The following ARFGEF3 variants were observed in gnomAD, a reference collection of about 807,000 sequenced individuals.
The protein encoded by ARFGEF3 is ARFGEF family member 3, also known as brefeldin A-inhibited guanine nucleotide-exchange protein 3.
ARFGEF3 carries 96 observed loss-of-function variants against 221.7 expected under a neutral mutation model. The observed-to-expected ratio is 0.43, with a 90% CI of 0.37 to 0.51. The LOEUF (loss-of-function observed/expected upper bound fraction) is 0.51. ARFGEF3 is among the 20% of genes least tolerant of loss of function. The probability of loss-of-function intolerance (pLI) is 0.00; values close to 1 mark genes in which losing one functional copy is unlikely to be tolerated. For missense variants in ARFGEF3, 2,410 were observed against 2,789.9 expected (o/e 0.86, Z 3.07); for synonymous variants, 1,145 against 1,126.8 (o/e 1.02, Z -0.32).
At position 138,262,628 on chromosome 6, in the gene ARFGEF3, A is replaced by G. The variant is rs1778814531; in HGVS notation, c.1218-73A>G. On this transcript the variant is annotated intron_variant, in intron 11 of 33. Coordinates refer to ENST00000251691, the MANE Select transcript of ARFGEF3 (RefSeq NM_020340.5). ...ATACTTTGCTGTTTGCCAGGCTAAC[A>G]CTCTTGTTCCTTTCAGAGATATTTT... 1.2e-5 allele frequency: 17 copies of G among 1,445,330 alleles called. No individual in the cohort carries two copies. In the South Asian group the frequency reaches 2.2e-4, roughly 18 times the overall value. 89.5% of individuals were successfully genotyped at this position (1,445,330 alleles called of 1,614,324 possible).
At position 138,265,543 on chromosome 6, in the gene ARFGEF3, AG is replaced by A. The variant is rs1263484186; in HGVS notation, c.2128+1933del. Among the ~76,000 whole-genome samples the A allele has an allele frequency of 6.6e-5, 10 of 152,030 alleles. 1 individual carries two copies. ...TCCTAAAAAATTATTTTTCTCCCTA[AG>A]ATCTTTTATATCACTGTCATTAAAT... is the stretch of plus-strand genomic sequence containing the variant. On this transcript the variant is annotated intron_variant, in intron 12 of 33. Coordinates refer to ENST00000251691, the MANE Select transcript of ARFGEF3 (RefSeq NM_020340.5).
At position 138,313,810 on chromosome 6, in the gene ARFGEF3, T is replaced by C; in HGVS notation, c.4216T>C (p.Tyr1406His). ...RRCSQLLAKI[Y>H]KMPLKPIFLS... Reference sequence around the variant, plus strand: ...TTTAATTTAGTTATTGGCCAAAATCTACAAAATGCCCTTGAAGCCAATATT... The same window carrying C: ...TTTAATTTAGTTATTGGCCAAAATCCACAAAATGCCCTTGAAGCCAATATT... Residue 1406 changes from tyrosine (Y) to histidine (H), a missense_variant, in exon 26 of 34, where the codon TAC becomes CAC. Coordinates refer to ENST00000251691, the MANE Select transcript of ARFGEF3 (RefSeq NM_020340.5). The C allele has an allele frequency of 6.2e-7, 1 of 1,613,800 alleles. No homozygotes were observed.
intron 14 of ARFGEF3, among the ~76,000 whole-genome samples, chr6:138,280,780 G>A (rs1429568163): frequency 1.3e-5 from 2 of 152,052 alleles, no homozygotes; most frequent in African/African-American, 4.8e-5. Flanking sequence ...GAACCCGGGA[G>A]GCAGAGGTTG....
intron 4 of ARFGEF3, chr6:138,216,634 C>G (rs1392901625): frequency 6.6e-6 from 1 of 152,118 alleles, no homozygotes; most frequent in East Asian, 1.9e-4. Flanking sequence ...AGAATGTGAT[C>G]ATTAGTGAAG....
Position 138,173,121 on chromosome 6 carries a change from C to G in ARFGEF3, c.137+2408C>G, listed in dbSNP as rs372747231. ...TTCAAGGAGAAAAATAACAATACAG[C>G]ATTATTTTACTGTTAAAGAAGAGTT... On this transcript the variant is annotated intron_variant, in intron 2 of 33. Coordinates refer to ENST00000251691, the MANE Select transcript of ARFGEF3 (RefSeq NM_020340.5). 4.7e-4 allele frequency among the ~76,000 whole-genome samples: 72 copies of G among 152,010 alleles called. No homozygotes were observed. The East Asian group carries it at 0.011, about 23-fold the overall frequency.
intron 4 of ARFGEF3, among the ~76,000 whole-genome samples, chr6:138,218,792 G>A (rs753381697): frequency 1.8e-4 from 27 of 152,200 alleles, no homozygotes; most frequent in Admixed American, 3.3e-4. Context: ...GAGAGGGAAA[G>A]AGAAAAGGAA....
At chr6:138,176,317 G>A (rs1776945539) in intron 2 of ARFGEF3, among the ~76,000 whole-genome samples, 1 of 151,962 alleles carries the variant, frequency 6.6e-6, no homozygotes, top group South Asian at 2.1e-4. Context: ...AAATAGCTGG[G>A]ACTACAGGCA....
At chr6:138,301,391 A>G (rs920653095) in intron 22 of ARFGEF3, among the ~76,000 whole-genome samples, 1 of 152,250 alleles carries the variant, frequency 6.6e-6, no homozygotes, top group African/African-American at 2.4e-5. Context: ...ATTGGCAAGA[A>G]TAGTAGTTTG....
In ARFGEF3 at chr6:138,233,986, T is replaced by C. The variant is rs184917273; in HGVS notation, c.420+4134T>C. ...TTCCTTCCTGAAACCCTTTCTTTCCTGTGTGCCAGTCTCTATTGATTCTGG... is the reference window on the plus strand; with the variant it reads ...TTCCTTCCTGAAACCCTTTCTTTCCCGTGTGCCAGTCTCTATTGATTCTGG... On this transcript the variant is annotated intron_variant, in intron 5 of 33. Transcript: ENST00000251691. Among the ~76,000 whole-genome samples, 198 of 152,326 alleles carry C rather than the reference T, an allele frequency of 1.3e-3. 1 individual carries two copies. Among genetic ancestry groups the C allele is most frequent in the Middle Eastern group, 0.01 (3 of 294 alleles).
intron 1 of ARFGEF3, among the ~76,000 whole-genome samples, chr6:138,164,407 C>T (rs1776680950): frequency 6.6e-6 from 1 of 152,188 alleles, no homozygotes; most frequent in African/African-American, 2.4e-5. Flanking sequence ...GCTAGTCCTT[C>T]TGTAGGGAAT....
At chr6:138,250,421 G>A (rs1021172262) in intron 8 of ARFGEF3, among the ~76,000 whole-genome samples, 1 of 152,160 alleles carries the variant, frequency 6.6e-6, no homozygotes, top group Admixed American at 6.5e-5. Context: ...TCTCCTCCTA[G>A]AACAGAGAAT....
At position 138,261,541 on chromosome 6, in the gene ARFGEF3, A is replaced by G. The variant is rs1343719640; in HGVS notation, c.1119A>G (p.Pro373=). 6.4e-7 allele frequency: 1 copy of G among 1,569,930 alleles called. No homozygotes were observed. Among genetic ancestry groups the G allele is most frequent in the Admixed American group, 1.9e-5 (1 of 53,484 alleles). ...TTTTCTTTAAGATACTTGGGAGCCC[A>G]CAGCGTCTCTGTGACTTGGCAGGAC... The part of the protein sequence containing the change: ...IKIMKEILGS[P]QRLCDLAGPS... Residue 373 remains proline (P), a synonymous_variant, in exon 11 of 34, where the codon CCA becomes CCG. Coordinates refer to ENST00000251691, the MANE Select transcript of ARFGEF3 (RefSeq NM_020340.5).
intron 8 of ARFGEF3, among the ~76,000 whole-genome samples, chr6:138,248,129 TAGA>T (rs767549086): frequency 7.2e-5 from 11 of 152,212 alleles, no homozygotes; most frequent in African/African-American, 4.8e-5. Context: ...AGAGTTGTCA[TAGA>T]AGAAGAAGTG....
chr6:138,177,266 TTTTG>T (rs545780064), intron 2 of ARFGEF3, among the ~76,000 whole-genome samples: 1,621 of 151,798 alleles, frequency 0.011, 14 homozygotes, highest in Middle Eastern at 0.051. Context: ...TTTCTGTATT[TTTTG>T]TTTGTTTGTT....
In ARFGEF3 at chr6:138,291,964, G is replaced by T; in HGVS notation, c.3279G>T (p.Arg1093=). 2 of 1,533,636 alleles carry T rather than the reference G, an allele frequency of 1.3e-6. No individual in the cohort carries two copies. Among genetic ancestry groups the T allele is most frequent in the Non-Finnish European group, 1.8e-6 (2 of 1,142,244 alleles). ...AGGACCTCGTCCGGGAAGGCAGCCG[G>T]GGTCGGGCCTCCGACTTCCGCGGCG... ...SIQDLVREGS[R]GRASDFRGGS... Residue 1093 remains arginine (R), a synonymous_variant, in exon 19 of 34, where the codon CGG becomes CGT. Coordinates refer to ENST00000251691, the MANE Select transcript of ARFGEF3 (RefSeq NM_020340.5). This position sits in a 1 kb window ranked among gnomAD's most constrained non-coding sequence, Gnocchi z 4.5.
chr6:138,194,665 G>A (rs561964868), intron 2 of ARFGEF3, among the ~76,000 whole-genome samples: 36 of 152,308 alleles, frequency 2.4e-4, no homozygotes, highest in African/African-American at 8.2e-4. Context: ...TAAGGTAACT[G>A]TATTTTAGGA....
chr6:138,237,079 T>TA (rs894094620), intron 5 of ARFGEF3, among the ~76,000 whole-genome samples: 17 of 151,804 alleles, frequency 1.1e-4, no homozygotes, highest in Admixed American at 6.6e-5. Context: ...AAATTAAACT[T>TA]AAAAAAAATT....
In ARFGEF3 at chr6:138,296,806, G is replaced by A. The variant is rs745951155; in HGVS notation, c.3503-4G>A. On this transcript the variant is annotated splice_polypyrimidine_tract_variant and splice_region_variant and intron_variant, in intron 20 of 33. Coordinates refer to ENST00000251691, the MANE Select transcript of ARFGEF3 (RefSeq NM_020340.5). ...CTGGCATTTATGTTCTTGCCTTCCT[G>A]TAGGAGAAGTTAAATCCACTCAAGA... 1 of 1,613,044 alleles carries A rather than the reference G, an allele frequency of 6.2e-7. No homozygotes were observed. Among genetic ancestry groups the A allele is most frequent in the Non-Finnish European group, 8.5e-7 (1 of 1,179,498 alleles).
intron 22 of ARFGEF3, among the ~76,000 whole-genome samples, 157 bp downstream of exon 22, chr6:138,298,942 G>C (rs1219968078): frequency 6.6e-6 from 1 of 152,148 alleles, no homozygotes; most frequent in Non-Finnish European, 1.5e-5. Flanking sequence ...GCTCACACCT[G>C]TAATCCCAGC....
Sources: allele counts gnomAD v4.1 joint callset (sites outside exome capture counted in the v4.1 genomes callset), GRCh38; gene constraint gnomAD v4.1.1; non-coding constraint Gnocchi (gnomAD v3.1); transcripts MANE v1.5; gene names NCBI Gene and HGNC (gene_info 2026-07-23, HGNC 2026-07-21).